RBM6: variants seen among roughly 807,000 people sequenced by gnomAD.
RBM6 encodes the protein RNA-binding protein 6.
A neutral mutation model predicts 140.4 loss-of-function variants in RBM6; 23 were observed. The ratio of observed to expected loss-of-function variants is 0.16; its 90% CI spans 0.12 to 0.23. The LOEUF is 0.23. Ranked by LOEUF, RBM6 falls within the 10% of genes least tolerant of loss-of-function variation. The pLI is 1.00. For synonymous variants in RBM6, 439 were observed against 475.6 expected (o/e 0.92, Z 1.00); for missense variants, 1,139 against 1,386.7 (o/e 0.82, Z 2.84).
At chr3:50,047,997 C>T (rs2089297530) in intron 6 of RBM6, among the ~76,000 whole-genome samples, 3 of 152,182 alleles carry the variant, frequency 2.0e-5, no homozygotes. Context: ...GGACAGCACC[C>T]TAACCTGCAG....
chr3:49,945,799 G>T (rs184386359), intron 1 of RBM6, among the ~76,000 whole-genome samples: 1 of 149,472 alleles, frequency 6.7e-6, no homozygotes, highest in African/African-American at 2.5e-5. Context: ...GGAGAATGGC[G>T]TGAACCCGGG....
chr3:49,959,545 T>C (rs967031559), intron 1 of RBM6, among the ~76,000 whole-genome samples: 2 of 149,896 alleles, frequency 1.3e-5, no homozygotes, highest in African/African-American at 4.9e-5. Flanking sequence ...ATTTACAGAA[T>C]TCTTGGTTGG....
At chr3:49,986,544 G>C (rs1488278944) in intron 5 of RBM6, among the ~76,000 whole-genome samples, 3 of 148,522 alleles carry the variant, frequency 2.0e-5, no homozygotes, top group African/African-American at 7.4e-5. Context: ...GCAGTGAGCC[G>C]AGATAGCGCC....
At chr3:49,984,106 A>G (rs2108680894) in intron 5 of RBM6, among the ~76,000 whole-genome samples, 1 of 152,306 alleles carries the variant, frequency 6.6e-6, no homozygotes, top group Middle Eastern at 3.4e-3. Context: ...ACCCTGGGCA[A>G]CATGGTGAAA....
Position 50,068,678 on chromosome 3 carries a change from C to G in RBM6, c.2944-12C>G, listed in dbSNP as rs763567395. 6.2e-7 allele frequency: 1 copy of G among 1,613,278 alleles called. No homozygotes were observed. The highest frequency in any genetic ancestry group is 8.5e-7 in the Non-Finnish European group (1 of 1,179,354). The stretch of plus-strand genomic sequence containing the variant: ...CTTAGACCTATACTCATAGAATTGC[C>G]TCTCTTCTCAGCAAAACCTGGAAAT... On this transcript the variant is annotated splice_polypyrimidine_tract_variant and intron_variant, in intron 17 of 20. Coordinates refer to ENST00000266022, the MANE Select transcript of RBM6 (RefSeq NM_005777.3).
chr3:50,071,907 A>C (rs1347475214), intron 19 of RBM6, among the ~76,000 whole-genome samples: 1 of 150,210 alleles, frequency 6.7e-6, no homozygotes, highest in Non-Finnish European at 1.5e-5. Context: ...AAGATGGTGA[A>C]ACCCCTTCTC....
At chr3:49,984,650 CGCATCGCATCGCATT>C (rs1297230663) in intron 5 of RBM6, among the ~76,000 whole-genome samples, 11 of 140,132 alleles carry the variant, frequency 7.8e-5, no homozygotes, top group Admixed American at 2.1e-4. Context: ...CGCATCGCAT[CGCATCGCATCGCATT>C]GCATCACATC....
chr3:50,010,133 C>T (rs537264022), intron 6 of RBM6, among the ~76,000 whole-genome samples: 33 of 152,190 alleles, frequency 2.2e-4, no homozygotes, highest in Non-Finnish European at 4.3e-4. Flanking sequence ...GCAATCCACC[C>T]GTCTCGGCCT....
chr3:49,941,451 A>C (rs2083275603), intron 1 of RBM6, among the ~76,000 whole-genome samples: 1 of 151,126 alleles, frequency 6.6e-6, no homozygotes, highest in African/African-American at 2.4e-5. Flanking sequence ...GACCAGCCTG[A>C]CTAACATGGA....
At chr3:49,990,633 A>G (rs915677290) in intron 5 of RBM6, among the ~76,000 whole-genome samples, 1 of 152,236 alleles carries the variant, frequency 6.6e-6, no homozygotes, top group Non-Finnish European at 1.5e-5. Context: ...TGTTTGACAG[A>G]TGTACATACG....
chr3:50,002,162 A>AC (rs1485811078), intron 6 of RBM6, among the ~76,000 whole-genome samples: 1 of 151,780 alleles, frequency 6.6e-6, no homozygotes, highest in Non-Finnish European at 1.5e-5. Flanking sequence ...ATCTTGGCTC[A>AC]CTGCAACCTC....
At chr3:50,040,303 A>G (rs2088808352) in intron 6 of RBM6, among the ~76,000 whole-genome samples, 2 of 151,540 alleles carry the variant, frequency 1.3e-5, no homozygotes, top group African/African-American at 2.4e-5. Flanking sequence ...AAAATTAGCC[A>G]GGCGTGGTGA....
intron 6 of RBM6, among the ~76,000 whole-genome samples, chr3:50,002,174 G>A (rs750391696): frequency 4.6e-5 from 7 of 151,802 alleles, no homozygotes; most frequent in Admixed American, 2.0e-4. Context: ...TGCAACCTCC[G>A]CCACCCGGGT....
intron 6 of RBM6, among the ~76,000 whole-genome samples, chr3:50,046,086 G>A (rs1341289826): frequency 6.6e-6 from 1 of 151,680 alleles, no homozygotes; most frequent in Non-Finnish European, 1.5e-5. Flanking sequence ...TTCGAGACCA[G>A]CCTGACCAAC....
intron 1 of RBM6, among the ~76,000 whole-genome samples, chr3:49,951,862 A>G (rs1460502359): frequency 6.6e-6 from 1 of 151,972 alleles, no homozygotes; most frequent in African/African-American, 2.4e-5. Flanking sequence ...AGCTGGGAAT[A>G]CAGGTGCCCG....
chr3:50,047,948 C>T (rs1265618877), intron 6 of RBM6, among the ~76,000 whole-genome samples: 2 of 152,130 alleles, frequency 1.3e-5, no homozygotes, highest in African/African-American at 4.8e-5. Context: ...AGTGCATTAC[C>T]TGACCTCTGG....
At chr3:49,964,577 A>G (rs73832783) in intron 2 of RBM6, among the ~76,000 whole-genome samples, 3,199 of 152,332 alleles carry the variant, frequency 0.021, 139 homozygotes, top group African/African-American at 0.074. Context: ...TAGTTGTAAC[A>G]GAGATTGTAT....
intron 5 of RBM6, among the ~76,000 whole-genome samples, chr3:49,988,142 T>A (rs1031580867): frequency 6.6e-6 from 1 of 152,164 alleles, no homozygotes; most frequent in Admixed American, 6.5e-5. Context: ...TTGGGCCTAC[T>A]GCTTTTTAAA....
chr3:50,074,387 T>C (rs2090397587), intron 19 of RBM6, among the ~76,000 whole-genome samples: 1 of 151,950 alleles, frequency 6.6e-6, no homozygotes. Context: ...AATGGCGCGA[T>C]ATCAGCTAAC....
Sources: gnomAD v4.1 joint callset for allele counts (sites outside exome capture counted in the v4.1 genomes callset) on GRCh38, gnomAD v4.1.1 for gene constraint, MANE v1.5 for transcripts, NCBI Gene and HGNC (gene_info 2026-07-23, HGNC 2026-07-21) for gene names.